MCC: variants seen among roughly 807,000 people sequenced by gnomAD.
The protein encoded by MCC is MCC regulator of Wnt signaling pathway.
MCC carries 90 observed loss-of-function variants against 116.2 expected under a neutral mutation model. The observed-to-expected ratio is 0.77, with a 90% CI of 0.65 to 0.92. MCC has a LOEUF of 0.92. Ranked by LOEUF, MCC falls within the 40% of genes least tolerant of loss-of-function variation. The probability of loss-of-function intolerance (pLI) is 0.00; values close to 1 mark genes in which losing one functional copy is unlikely to be tolerated. For missense variants in MCC, 1,516 were observed against 1,312.2 expected (o/e 1.16, Z -2.40); for synonymous variants, 578 against 510.5 (o/e 1.13, Z -1.78).
Position 113,151,332 on chromosome 5 carries a change from C to T in MCC, c.718G>A (p.Glu240Lys). The T allele has an allele frequency of 6.2e-7, 1 of 1,613,372 alleles. No individual in the cohort carries two copies. The highest frequency in any genetic ancestry group is 1.3e-5 in the African/African-American group (1 of 75,018). The change falls in exon 4 of 19, where the codon GAA becomes AAA. Residue 240 changes from glutamate (E) to lysine (K), a missense_variant. Physicochemically the swap from Glu to Lys is moderately conservative, Grantham distance 56. Transcript: ENST00000408903. ...QQTERERDLL[E>K]KKLAKAQCEQ... is the part of the protein sequence containing the mutation. ...ACCTGTGCCTTGGCCAATTTCTTTT[C>T]CAGAAGGTCCCGTTCCCTCTCTGTT... is the stretch of plus-strand genomic sequence containing the variant.
chr5:113,447,712 CCTCCCTACATT>C (rs1478951155), intron 1 of MCC, among the ~76,000 whole-genome samples: 1 of 152,216 alleles, frequency 6.6e-6, no homozygotes, highest in East Asian at 1.9e-4. Context: ...ATAAACACAT[CCTCCCTACATT>C]CTCTCTCTCC....
chr5:113,233,928 C>G (rs1175035666), intron 3 of MCC, among the ~76,000 whole-genome samples: 1 of 152,008 alleles, frequency 6.6e-6, no homozygotes, highest in Non-Finnish European at 1.5e-5. Flanking sequence ...GATGGGGAGA[C>G]AATGGAGGAA....
chr5:113,047,683 TG>T (rs1310999542), intron 16 of MCC, among the ~76,000 whole-genome samples: 9 of 152,196 alleles, frequency 5.9e-5, no homozygotes, highest in African/African-American at 2.2e-4. Context: ...AAGAGAAGCT[TG>T]CATTTATTAA....
chr5:113,396,460 A>C (rs1323669414), intron 1 of MCC, among the ~76,000 whole-genome samples: 1 of 143,614 alleles, frequency 7.0e-6, no homozygotes, highest in Non-Finnish European at 1.5e-5. Flanking sequence ...GTGAAACCCC[A>C]TCTCTACTAA....
intron 1 of MCC, among the ~76,000 whole-genome samples, chr5:113,421,173 C>T (rs1302949926): frequency 6.6e-6 from 1 of 151,912 alleles, no homozygotes; most frequent in African/African-American, 2.4e-5. Context: ...TACAGGCACG[C>T]GCCACCATGC....
At position 113,392,574 on chromosome 5, in the gene MCC, T is replaced by A. The variant is rs116083805; in HGVS notation, c.171-7362A>T. ...ACCAGAAATTCAACTTTTAGTTACA[T>A]GTGCTCAAGAAATTTATGCATAAAT... On this transcript the variant is annotated intron_variant, in intron 1 of 18. Transcript: ENST00000408903. Among the ~76,000 whole-genome samples, 1,338 of 151,834 alleles carry A rather than the reference T, an allele frequency of 8.8e-3. 8 individuals are homozygous for A. Among genetic ancestry groups the A allele is most frequent in the Non-Finnish European group, 0.013 (873 of 67,970 alleles).
chr5:113,137,211 G>T (rs999616163), intron 5 of MCC, among the ~76,000 whole-genome samples: 8 of 152,080 alleles, frequency 5.3e-5, no homozygotes, highest in Non-Finnish European at 1.0e-4. Flanking sequence ...TGTGCAGGAG[G>T]AACTGTCAAC....
At chr5:113,438,463 T>G (rs756399432) in intron 1 of MCC, among the ~76,000 whole-genome samples, 1 of 152,154 alleles carries the variant, frequency 6.6e-6, no homozygotes, top group Non-Finnish European at 1.5e-5. Flanking sequence ...CTAGTTATCT[T>G]ACAGAGGCAA....
intron 1 of MCC, among the ~76,000 whole-genome samples, chr5:113,438,060 C>G (rs1271221417): frequency 6.6e-6 from 1 of 152,124 alleles, no homozygotes; most frequent in Non-Finnish European, 1.5e-5. Flanking sequence ...CTCTGAGAAT[C>G]TGGGAAGAAA....
At chr5:113,250,786 G>C (rs1035832557) in intron 3 of MCC, among the ~76,000 whole-genome samples, 1 of 152,178 alleles carries the variant, frequency 6.6e-6, no homozygotes, top group Non-Finnish European at 1.5e-5. Flanking sequence ...CCAAGCATGT[G>C]TAATTCCACT....
intron 3 of MCC, among the ~76,000 whole-genome samples, chr5:113,169,047 A>C (rs1433695820): frequency 6.6e-6 from 1 of 152,118 alleles, no homozygotes; most frequent in Non-Finnish European, 1.5e-5. Context: ...CCAGCCCCAG[A>C]GCACCCTGAA....
intron 1 of MCC, among the ~76,000 whole-genome samples, chr5:113,470,220 C>G (rs568383995): frequency 2.8e-4 from 42 of 152,290 alleles, no homozygotes; most frequent in African/African-American, 9.4e-4. Context: ...TTGATCCTGT[C>G]TTTATGATGT....
chr5:113,097,428 A>G (rs191507145), intron 8 of MCC, among the ~76,000 whole-genome samples: 2 of 152,302 alleles, frequency 1.3e-5, no homozygotes, highest in East Asian at 3.9e-4. Context: ...GGCCAATACA[A>G]CATATTACCA....
chr5:113,052,743 A>C (rs1752567677), intron 15 of MCC, among the ~76,000 whole-genome samples: 1 of 152,160 alleles, frequency 6.6e-6, no homozygotes, highest in African/African-American at 2.4e-5. Context: ...GCTAGACTCC[A>C]GTTCCTGACC....
At chr5:113,164,712 C>T (rs1223694734) in intron 3 of MCC, among the ~76,000 whole-genome samples, 1 of 152,224 alleles carries the variant, frequency 6.6e-6, no homozygotes, top group African/African-American at 2.4e-5. Flanking sequence ...TGACCTGTCA[C>T]ATTTACCACG....
chr5:113,420,169 A>C (rs115681306), intron 1 of MCC, among the ~76,000 whole-genome samples: 4 of 150,810 alleles, frequency 2.7e-5, no homozygotes, highest in African/African-American at 9.7e-5. Context: ...TAAATATAAG[A>C]TTAAATATAA....
In MCC at chr5:113,029,276, T is replaced by G. The variant is rs148493510; in HGVS notation, c.2757-220A>C. Among the ~76,000 whole-genome samples the G allele has an allele frequency of 3.9e-5, 6 of 151,932 alleles. No individual in the cohort carries two copies. In the East Asian group the frequency reaches 1.2e-3, roughly 29 times the overall value. The stretch of plus-strand genomic sequence containing the variant: ...CATTTCTTCAATGACAAGGGCTTTT[T>G]AAAGATCTTATGTGTCAAAGAAAAC... On this transcript the variant is annotated intron_variant, in intron 17 of 18. Transcript: ENST00000408903.
At chr5:113,150,562 A>T (rs1483620319) in intron 4 of MCC, among the ~76,000 whole-genome samples, 6 of 152,032 alleles carry the variant, frequency 3.9e-5, no homozygotes, top group Admixed American at 2.6e-4. Flanking sequence ...AATGCATTTC[A>T]GTAATGATGA....
intron 11 of MCC, among the ~76,000 whole-genome samples, chr5:113,079,762 A>C (rs975307495): frequency 6.6e-6 from 1 of 152,202 alleles, no homozygotes; most frequent in African/African-American, 2.4e-5. Flanking sequence ...GGACTTCATG[A>C]CTAAAACACC....
Sources: gnomAD v4.1 joint callset for allele counts (sites outside exome capture counted in the v4.1 genomes callset) on GRCh38, gnomAD v4.1.1 for gene constraint, MANE v1.5 for transcripts, NCBI Gene and HGNC (gene_info 2026-07-23, HGNC 2026-07-21) for gene names.